The following ATP2A1 variants were observed in gnomAD, a reference collection of about 807,000 sequenced individuals.
The protein encoded by ATP2A1 is sarcoplasmic/endoplasmic reticulum calcium ATPase 1.
A neutral mutation model predicts 109.5 loss-of-function variants in ATP2A1; 83 were observed. That is an observed-to-expected ratio of 0.76 (90% CI 0.63 to 0.91). The LOEUF (loss-of-function observed/expected upper bound fraction) is 0.91. Ranked by LOEUF, ATP2A1 falls within the 40% of genes least tolerant of loss-of-function variation. The pLI is 0.00. For synonymous variants in ATP2A1, 505 were observed against 537.6 expected, an observed-to-expected ratio of 0.94 and a Z score of 0.84; for missense variants, 1,101 against 1,341.0, an observed-to-expected ratio of 0.82 and a Z score of 2.80.
intron 12 of ATP2A1, 47 bp from the exon 13 acceptor site, chr16:28,897,953 T>C: frequency 1.2e-6 from 2 of 1,612,256 alleles, no homozygotes; most frequent in Middle Eastern, 1.7e-4. Flanking sequence ...CAGATTCTTT[T>C]TGACCATTTT....
chr16:28,885,986 C>T (rs1018161537), intron 6 of ATP2A1, among the ~76,000 whole-genome samples: 2 of 151,518 alleles, frequency 1.3e-5, no homozygotes, highest in African/African-American at 4.9e-5. Context: ...GGCAACACAG[C>T]GAGACCCCAT....
chr16:28,885,406 G>A (rs1042946359), intron 6 of ATP2A1, among the ~76,000 whole-genome samples: 3 of 151,740 alleles, frequency 2.0e-5, no homozygotes, highest in Admixed American at 2.0e-4. Context: ...ATGCAGTGGC[G>A]CGATTTCAGC....
In ATP2A1 at chr16:28,881,026, G is replaced by C; in HGVS notation, c.324+7G>C. 6.2e-7 allele frequency: 1 copy of C among 1,612,730 alleles called. No individual in the cohort carries two copies. Among genetic ancestry groups the C allele is most frequent in the Non-Finnish European group, 8.5e-7 (1 of 1,178,756 alleles). On this transcript the variant is annotated splice_region_variant and intron_variant, in intron 4 of 22. Transcript: ENST00000395503. ...CATCGTGGGGGTTTGGCAGGTTAGC[G>C]TTGACCCTTCCTTACCCCTTCATGT...
rs970341357 is a variant in ATP2A1 at position 28,901,991 on chromosome 16, C to T, written c.2229C>T (p.Ile743=). The change falls in exon 16 of 23, where the codon ATC becomes ATT. Residue 743 remains isoleucine, a synonymous_variant. Coordinates refer to ENST00000395503, the MANE Select transcript of ATP2A1 (RefSeq NM_004320.6). ...TGGCTGACGACAACTTCTCCACCAT[C>T]GTAGCTGCTGTGGAGGAGGGCCGCG... The part of the protein sequence containing the change: ...MVLADDNFST[I]VAAVEEGRAI... 6 of 1,614,226 alleles carry T rather than the reference C, an allele frequency of 3.7e-6. No homozygotes were observed. Among genetic ancestry groups the T allele is most frequent in the Non-Finnish European group, 5.1e-6 (6 of 1,180,046 alleles).
In ATP2A1 at chr16:28,900,849, G is replaced by T. The variant is rs746001213; in HGVS notation, c.2033G>T (p.Arg678Leu). 1.2e-6 allele frequency: 2 copies of T among 1,614,212 alleles called. No homozygotes were observed. Among genetic ancestry groups the T allele is most frequent in the Non-Finnish European group, 1.7e-6 (2 of 1,180,050 alleles). The change falls in exon 15 of 23, where the codon CGT becomes CTT. Residue 678 changes from arginine (R) to leucine (L), a missense_variant. Arg to Leu is a moderately radical substitution (Grantham distance 102). Transcript: ENST00000395503. ...TGCCGACGTGCCTGCTGCTTCGCCC[G>T]TGTGGAGCCCTCGCACAAGTCCAAG... The part of the protein sequence containing the change: ...EACRRACCFA[R>L]VEPSHKSKIV...
Position 28,898,237 on chromosome 16 carries a change from C to T in ATP2A1, c.1550C>T (p.Ala517Val). 3 of 1,614,206 alleles carry T rather than the reference C, an allele frequency of 1.9e-6. No homozygotes were observed. The highest frequency in any genetic ancestry group is 2.5e-6 in the Non-Finnish European group (3 of 1,180,038). The change falls in exon 14 of 23, where the codon GCC becomes GTC. Residue 517 changes from alanine (A) to valine (V), a missense_variant. Coordinates refer to ENST00000395503, the MANE Select transcript of ATP2A1 (RefSeq NM_004320.6). The surrounding 1 kb of genome is among the most constrained non-coding windows in gnomAD (Gnocchi z 4.0). ...AATGCTGTTCTGGTCTCCTAGGGTG[C>T]CCCTGAGGGCGTCATCGACCGCTGT... ...AVGNKMFVKG[A>V]PEGVIDRCNY...
chr16:28,882,100 C>CTTT lies in ATP2A1; in HGVS notation c.325-327_325-325dup, dbSNP rs778416146. On this transcript the variant is annotated intron_variant, in intron 4 of 22. Coordinates refer to ENST00000395503, the MANE Select transcript of ATP2A1 (RefSeq NM_004320.6). ...TACAGGCGCGTGCTACTACGCCCGGCTTTTTTTTTTTTTTTTTTTTTTTTT... is the reference window on the plus strand; with the variant it reads ...TACAGGCGCGTGCTACTACGCCCGGCTTTTTTTTTTTTTTTTTTTTTTTTTTTT... 3.1e-4 allele frequency among the ~76,000 whole-genome samples: 28 copies of CTTT among 90,358 alleles called. 1 individual carries two copies. The highest frequency in any genetic ancestry group is 1.2e-3 in the African/African-American group (19 of 16,192). The allele number at this position is 90,358 out of a possible 152,430, so 59.3% of individuals were successfully genotyped here. A position where few individuals can be genotyped will look rare whatever the true frequency, so the allele number is the denominator to read the frequency against.
Position 28,888,914 on chromosome 16 carries a change from G to A in ATP2A1, c.1056G>A (p.Lys352=). The change falls in exon 9 of 23, where the codon AAG becomes AAA. Residue 352 remains lysine, a synonymous_variant. Coordinates refer to ENST00000395503, the MANE Select transcript of ATP2A1 (RefSeq NM_004320.6). The part of the protein sequence containing the change: ...LGCTSVICSD[K]TGTLTTNQMS... Reference sequence around the variant, plus strand: ...GCACCTCTGTCATCTGTTCCGACAAGACAGGCACCCTCACCACCAACCAGA... The same window carrying A: ...GCACCTCTGTCATCTGTTCCGACAAAACAGGCACCCTCACCACCAACCAGA... 3.7e-6 allele frequency: 6 copies of A among 1,614,154 alleles called. No individual in the cohort carries two copies. Among genetic ancestry groups the A allele is most frequent in the Non-Finnish European group, 5.1e-6 (6 of 1,180,030 alleles).
chr16:28,879,843 G>C, intron 3 of ATP2A1: 1 of 594,138 alleles, frequency 1.7e-6, no homozygotes. Flanking sequence ...GGCTTCAAGA[G>C]CTTGGAGAGC....
intron 6 of ATP2A1, among the ~76,000 whole-genome samples, chr16:28,885,751 C>A (rs1044570317): frequency 1.3e-5 from 2 of 152,076 alleles, no homozygotes; most frequent in Non-Finnish European, 2.9e-5. Context: ...ACCCCTTCCA[C>A]ATGGACATAG....
At chr16:28,878,849 C>G (rs1457141528) in intron 1 of ATP2A1, 60 bp downstream of exon 1, 1 of 1,536,754 alleles carries the variant, frequency 6.5e-7, no homozygotes, top group Admixed American at 1.7e-5. Flanking sequence ...CCAAAACACA[C>G]GCACACGCAT....
At chr16:28,888,715 A>G in intron 8 of ATP2A1, 72 bp from the exon 9 acceptor site, 1 of 1,541,430 alleles carries the variant, frequency 6.5e-7, no homozygotes, top group Non-Finnish European at 8.9e-7. Flanking sequence ...GGGGGCTACT[A>G]TTTAGCCCCT....
At chr16:28,901,777 T>G in intron 15 of ATP2A1, 86 bp from the exon 16 acceptor site, 4 of 1,204,440 alleles carry the variant, frequency 3.3e-6, no homozygotes, top group Middle Eastern at 2.6e-4. Context: ...GGCAACAGAG[T>G]GAGACCTCAT....
At chr16:28,900,467 A>AC (rs71143704) in intron 14 of ATP2A1, 114 bp from the exon 15 acceptor site, 2 of 557,324 alleles carry the variant, frequency 3.6e-6, no homozygotes, top group Non-Finnish European at 5.7e-6. Context: ...CAGGCTTCCC[A>AC]CCCCTCCCCA....
chr16:28,903,513 G>A lies in ATP2A1; in HGVS notation c.2980+73G>A, dbSNP rs1184014150. 13 of 788,000 alleles carry A rather than the reference G, an allele frequency of 1.6e-5. No individual in the cohort carries two copies. The highest frequency in any genetic ancestry group is 2.9e-5 in the African/African-American group (1 of 34,268). 48.8% of individuals were successfully genotyped at this position (788,000 alleles called of 1,614,324 possible). A position where few individuals can be genotyped will look rare whatever the true frequency, so the allele number is the denominator to read the frequency against. ...TTCCCCATGACGCCGCCCCCGCCCC[G>A]CCCCGTACTTTGCAGGTGGTAAGTT... On this transcript the variant is annotated intron_variant, in intron 21 of 22. Coordinates refer to ENST00000395503, the MANE Select transcript of ATP2A1 (RefSeq NM_004320.6). This position sits in a 1 kb window ranked among gnomAD's most constrained non-coding sequence, Gnocchi z 5.6.
At chr16:28,879,198 A>G in intron 2 of ATP2A1, 82 bp downstream of exon 2, 1 of 1,491,672 alleles carries the variant, frequency 6.7e-7, no homozygotes, top group Non-Finnish European at 9.2e-7. Flanking sequence ...CTGCCTCTTT[A>G]GATTCTTTGA....
rs1234140899 is a variant in ATP2A1, at chr16:28,898,929, G to A, written c.1764+478G>A. 1.3e-5 allele frequency among the ~76,000 whole-genome samples: 2 copies of A among 152,072 alleles called. No individual in the cohort carries two copies. The highest frequency in any genetic ancestry group is 3.8e-4 in the East Asian group (2 of 5,202). ...ACCTAGGAGTTGGAGGCTGCAGTGA[G>A]CCATGATCCCACCACTGCACTCCAG... On this transcript the variant is annotated intron_variant, in intron 14 of 22. Transcript: ENST00000395503. The surrounding 1 kb of genome is among the most constrained non-coding windows in gnomAD (Gnocchi z 4.0).
chr16:28,887,105 G>A (rs1963634759), intron 6 of ATP2A1, 84 bp from the exon 7 acceptor site: 1 of 1,425,156 alleles, frequency 7.0e-7, no homozygotes, highest in Non-Finnish European at 9.9e-7. Context: ...GAGCTGTCCT[G>A]CTGAGCAGGG....
intron 14 of ATP2A1, 114 bp from the exon 15 acceptor site, chr16:28,900,466 CA>C: frequency 2.8e-5 from 26 of 934,264 alleles, no homozygotes; most frequent in East Asian, 5.7e-5. Context: ...TCAGGCTTCC[CA>C]CCCCTCCCCA....
Sources: allele counts gnomAD v4.1 joint callset (sites outside exome capture counted in the v4.1 genomes callset), GRCh38; gene constraint gnomAD v4.1.1; non-coding constraint Gnocchi (gnomAD v3.1); transcripts MANE v1.5; gene names NCBI Gene and HGNC (gene_info 2026-07-23, HGNC 2026-07-21).